The following PCDH15 variants were observed in gnomAD, a reference collection of about 807,000 sequenced individuals.
The protein encoded by PCDH15 is protocadherin related 15.
In PCDH15, 129 loss-of-function variants were observed where a neutral mutation model predicts 178.5. The observed-to-expected ratio is 0.72, with a 90% CI of 0.63 to 0.84. The LOEUF (loss-of-function observed/expected upper bound fraction) is 0.84. Ranked by LOEUF, PCDH15 falls within the 40% of genes least tolerant of loss-of-function variation. The pLI, the probability that PCDH15 is intolerant of heterozygous loss-of-function variation, is 0.00. For synonymous variants in PCDH15, 800 were observed against 732.0 expected, an observed-to-expected ratio of 1.09 and a Z score of -1.50; for missense variants, 2,230 against 2,099.9, an observed-to-expected ratio of 1.06 and a Z score of -1.21.
intron 18 of PCDH15, among the ~76,000 whole-genome samples, chr10:54,064,158 TA>T (rs1240030691): frequency 6.6e-6 from 1 of 152,138 alleles, no homozygotes; most frequent in Admixed American, 6.5e-5. Flanking sequence ...ATAGGCAGGT[TA>T]TCCCCATAAG....
intron 2 of PCDH15, among the ~76,000 whole-genome samples, chr10:54,623,806 G>C (rs1185089991): frequency 5.3e-5 from 8 of 151,858 alleles, no homozygotes. Flanking sequence ...TTTACCTCTG[G>C]TATAGTCGAC....
intron 3 of PCDH15, among the ~76,000 whole-genome samples, chr10:54,432,527 T>A (rs1957086686): frequency 6.6e-6 from 1 of 152,142 alleles, no homozygotes; most frequent in African/African-American, 2.4e-5. Flanking sequence ...GATATCCATA[T>A]GCAGAAGAAT....
intron 16 of PCDH15, among the ~76,000 whole-genome samples, chr10:54,084,574 G>T (rs540781750): frequency 6.6e-6 from 1 of 152,110 alleles, no homozygotes; most frequent in African/African-American, 2.4e-5. Context: ...TTTGAGACTA[G>T]CCTGGGCAAC....
intron 2 of PCDH15, among the ~76,000 whole-genome samples, chr10:55,388,053 G>A (rs1043730512): frequency 1.3e-5 from 2 of 151,944 alleles, no homozygotes; most frequent in African/African-American, 4.8e-5. Context: ...ACACATTATT[G>A]TGTCTTCTTC....
intron 32 of PCDH15, 63 bp from the exon 33 acceptor site, chr10:53,820,293 T>C (rs2076211199): frequency 2.5e-6 from 1 of 396,638 alleles, no homozygotes; most frequent in East Asian, 3.6e-5. Flanking sequence ...AAGTAATTAC[T>C]CTTGATTTCG....
chr10:54,315,924 T>C (rs980470950), intron 8 of PCDH15, among the ~76,000 whole-genome samples: 1 of 112,268 alleles, frequency 8.9e-6, no homozygotes, highest in African/African-American at 3.1e-5. Context: ...TCTTTAATAG[T>C]TTGTGTGTTT....
intron 18 of PCDH15, among the ~76,000 whole-genome samples, chr10:54,025,499 A>AT (rs3067439): frequency 0.025 from 3,443 of 135,496 alleles, 60 homozygotes; most frequent in Middle Eastern, 0.072. Context: ...CATTTCCACC[A>AT]TTTTTTTTTT....
At chr10:53,884,553 T>C (rs889256632) in intron 26 of PCDH15, among the ~76,000 whole-genome samples, 2 of 152,188 alleles carry the variant, frequency 1.3e-5, no homozygotes. Context: ...ATCAGGTTCC[T>C]TGGTTCAGAA....
At chr10:53,863,342 G>A (rs2079225260) in intron 27 of PCDH15, among the ~76,000 whole-genome samples, 1 of 152,152 alleles carries the variant, frequency 6.6e-6, no homozygotes, top group Non-Finnish European at 1.5e-5. Flanking sequence ...AGTAAACAGT[G>A]AGATAGTAGG....
intron 2 of PCDH15, among the ~76,000 whole-genome samples, chr10:54,968,922 T>A (rs1053698972): frequency 1.3e-5 from 2 of 152,174 alleles, no homozygotes; most frequent in Non-Finnish European, 2.9e-5. Context: ...TCCTATCCAG[T>A]ATATTTTTCA....
chr10:53,878,641 A>G (rs923702996), intron 26 of PCDH15, among the ~76,000 whole-genome samples: 3 of 150,986 alleles, frequency 2.0e-5, no homozygotes, highest in Non-Finnish European at 4.4e-5. Flanking sequence ...ACATATTTTC[A>G]TTGTTATGTT....
chr10:53,899,427 C>T (rs1388081164), intron 26 of PCDH15, among the ~76,000 whole-genome samples: 1 of 152,100 alleles, frequency 6.6e-6, no homozygotes, highest in Non-Finnish European at 1.5e-5. Context: ...CCCAAATTCA[C>T]TACTCATCTT....
chr10:54,157,965 G>A (rs1286310818), intron 13 of PCDH15, among the ~76,000 whole-genome samples: 3 of 152,120 alleles, frequency 2.0e-5, no homozygotes, highest in Admixed American at 2.0e-4. Flanking sequence ...CTCCCTCTGA[G>A]ACCACCTCAG....
At chr10:54,015,607 AG>A (rs1018907931) in intron 20 of PCDH15, among the ~76,000 whole-genome samples, 34 of 152,148 alleles carry the variant, frequency 2.2e-4, no homozygotes, top group South Asian at 6.2e-4. Flanking sequence ...CATACTTATA[AG>A]CATCTGATGT....
chr10:54,292,398 T>C (rs2059475288), intron 8 of PCDH15, among the ~76,000 whole-genome samples: 1 of 152,174 alleles, frequency 6.6e-6, no homozygotes, highest in African/African-American at 2.4e-5. Context: ...AGCATTCCTT[T>C]TGAAAACTGG....
At chr10:54,515,260 CG>C (rs1189890587) in intron 3 of PCDH15, among the ~76,000 whole-genome samples, 9 of 152,292 alleles carry the variant, frequency 5.9e-5, no homozygotes, top group Admixed American at 1.3e-4. Flanking sequence ...CCTGGAAAAT[CG>C]GGTCACTCCC....
intron 1 of PCDH15, among the ~76,000 whole-genome samples, chr10:54,698,642 T>A (rs116065253): frequency 0.02 from 3,018 of 152,244 alleles, 90 homozygotes; most frequent in African/African-American, 0.067. Context: ...ACTTAACCTT[T>A]TTAATTCTCT....
intron 15 of PCDH15, among the ~76,000 whole-genome samples, chr10:54,101,774 G>A (rs1007925355): frequency 2.2e-4 from 34 of 151,964 alleles, no homozygotes; most frequent in African/African-American, 7.5e-4. Flanking sequence ...TAAAAACAGC[G>A]TGGGCAACAT....
intron 2 of PCDH15, among the ~76,000 whole-genome samples, chr10:55,336,326 C>T (rs981416857): frequency 1.3e-5 from 2 of 151,506 alleles, no homozygotes; most frequent in African/African-American, 4.9e-5. Flanking sequence ...GGTGAAACCC[C>T]CTCTCTACTA....
Sources: gnomAD v4.1 joint callset for allele counts (sites outside exome capture counted in the v4.1 genomes callset) on GRCh38, gnomAD v4.1.1 for gene constraint, MANE v1.5 for transcripts, NCBI Gene and HGNC (gene_info 2026-07-23, HGNC 2026-07-21) for gene names.